The following KIF15 variants were observed in gnomAD, a reference collection of about 807,000 sequenced individuals.
KIF15 encodes the protein kinesin family member 15, also known as kinesin-like protein KIF15.
Under a neutral mutation model 190.6 loss-of-function variants are expected in KIF15, and 140 were observed. The ratio of observed to expected loss-of-function variants is 0.73; its 90% CI spans 0.64 to 0.84. The LOEUF (loss-of-function observed/expected upper bound fraction) is 0.84, where lower values mean the gene tolerates loss of function less well. KIF15 is among the 40% of genes least tolerant of loss of function. The probability of loss-of-function intolerance (pLI) is 0.00; values close to 1 mark genes in which losing one functional copy is unlikely to be tolerated. For missense variants in KIF15, 1,372 were observed against 1,584.4 expected (o/e 0.87, Z 2.28); for synonymous variants, 528 against 551.3 (o/e 0.96, Z 0.59).
chr3:44,859,379 G>C (rs1575699985), intron 6 of KIF15, among the ~76,000 whole-genome samples: 7 of 152,270 alleles, frequency 4.6e-5, no homozygotes, highest in Admixed American at 6.5e-5. Flanking sequence ...TTTTGGAGCT[G>C]GCGGCTTGGG....
chr3:44,868,684 G>A (rs549519959), intron 6 of KIF15, among the ~76,000 whole-genome samples: 33 of 152,298 alleles, frequency 2.2e-4, no homozygotes, highest in Non-Finnish European at 4.6e-4. Context: ...TGTTGTTTAG[G>A]TCATGCAGTC....
chr3:44,828,555 A>C (rs916565175), intron 24 of KIF15, among the ~76,000 whole-genome samples: 16 of 152,172 alleles, frequency 1.1e-4, no homozygotes, highest in Non-Finnish European at 2.2e-4. Flanking sequence ...CTACCCTTTT[A>C]ACTAGGATGC....
intron 26 of KIF15, among the ~76,000 whole-genome samples, chr3:44,832,870 C>G (rs964001875): frequency 6.6e-6 from 1 of 151,850 alleles, no homozygotes; most frequent in African/African-American, 2.4e-5. Context: ...CAAAAATTAG[C>G]AAGGTGTGGT....
intron 6 of KIF15, among the ~76,000 whole-genome samples, chr3:44,866,035 T>G (rs1699318371): frequency 6.6e-6 from 1 of 151,986 alleles, no homozygotes; most frequent in African/African-American, 2.4e-5. Context: ...CTTTCTCAGA[T>G]TCCCCTTTGG....
intron 26 of KIF15, among the ~76,000 whole-genome samples, chr3:44,831,996 A>G (rs555084712): frequency 9.8e-5 from 15 of 152,336 alleles, no homozygotes; most frequent in African/African-American, 3.6e-4. Context: ...GCATTTGGGA[A>G]TGGAAAGATG....
chr3:44,839,893 T>A (rs891600323), intron 27 of KIF15, among the ~76,000 whole-genome samples: 1 of 152,226 alleles, frequency 6.6e-6, no homozygotes, highest in Non-Finnish European at 1.5e-5. Flanking sequence ...TCATTGTGTA[T>A]ATATATAGCA....
At chr3:44,816,892 C>G (rs1708054975) in intron 20 of KIF15, among the ~76,000 whole-genome samples, 1 of 152,194 alleles carries the variant, frequency 6.6e-6, no homozygotes, top group Non-Finnish European at 1.5e-5. Context: ...CACATCCTCT[C>G]CAGCATCTTT....
chr3:44,763,451 G>A (rs759984173), intron 1 of KIF15, among the ~76,000 whole-genome samples: 15 of 151,380 alleles, frequency 9.9e-5, no homozygotes, highest in Non-Finnish European at 1.5e-4. Context: ...ACAGGCACGC[G>A]CCACCATGCC....
chr3:44,775,940 T>G (rs1296605328), intron 3 of KIF15, among the ~76,000 whole-genome samples: 4 of 151,558 alleles, frequency 2.6e-5, no homozygotes, highest in Admixed American at 2.6e-4. Context: ...ATTAGCTGGT[T>G]GTGGTAGTGG....
chr3:44,820,937 G>T (rs1708244791), intron 20 of KIF15, among the ~76,000 whole-genome samples: 2 of 151,666 alleles, frequency 1.3e-5, no homozygotes. Flanking sequence ...CCGGGCAGAG[G>T]CGCCCCTCAC....
rs151151077 is a variant in KIF15, at chr3:44,771,589, T to C, written c.20-2806T>C. ...GGAAGCCTGTTGAATATGTTAGAGG[T>C]TTAAAACATTTGATTTTATGAAATA... On this transcript the variant is annotated intron_variant, in intron 1 of 34. Transcript: ENST00000326047. Among the ~76,000 whole-genome samples the C allele has an allele frequency of 4.8e-3, 725 of 152,296 alleles. 8 individuals carry two copies. The highest frequency in any genetic ancestry group is 0.017 in the African/African-American group (686 of 41,554).
At chr3:44,811,115 C>A in intron 17 of KIF15, 72 bp downstream of exon 17, 1 of 1,182,438 alleles carries the variant, frequency 8.5e-7, no homozygotes, top group South Asian at 1.5e-5. Context: ...TATTTTAATT[C>A]CCTATAAGTT....
intron 7 of KIF15, among the ~76,000 whole-genome samples, chr3:44,787,562 T>C (rs1393362354): frequency 6.6e-6 from 1 of 152,178 alleles, no homozygotes; most frequent in Non-Finnish European, 1.5e-5. Flanking sequence ...ACATGTGACG[T>C]AGTATGTGTA....
chr3:44,827,964 C>T (rs1470088559), intron 23 of KIF15, among the ~76,000 whole-genome samples: 1 of 152,174 alleles, frequency 6.6e-6, no homozygotes, highest in Non-Finnish European at 1.5e-5. Flanking sequence ...CAGGCCTGAG[C>T]CACCGTGCCT....
intron 1 of KIF15, among the ~76,000 whole-genome samples, chr3:44,774,067 T>A (rs187516428): frequency 6.6e-6 from 1 of 152,276 alleles, no homozygotes; most frequent in East Asian, 1.9e-4. Flanking sequence ...TCTGAGCCAC[T>A]CCATATTGAT....
chr3:44,801,378 A>G (rs879153695), intron 11 of KIF15, 72 bp from the exon 12 acceptor site: 32 of 881,724 alleles, frequency 3.6e-5, no homozygotes, highest in Non-Finnish European at 5.0e-5. Context: ...ATTAAAGGCT[A>G]TCTGTTCTCT....
At chr3:44,765,637 T>C (rs1705342458) in intron 1 of KIF15, among the ~76,000 whole-genome samples, 1 of 152,238 alleles carries the variant, frequency 6.6e-6, no homozygotes. Context: ...CAATTCTTGC[T>C]CCATTGAAGG....
At chr3:44,779,351 C>T (rs754661755) in intron 4 of KIF15, among the ~76,000 whole-genome samples, 1 of 152,094 alleles carries the variant, frequency 6.6e-6, no homozygotes, top group Non-Finnish European at 1.5e-5. Context: ...AAGATCTGGG[C>T]GCTAGGTGTG....
At chr3:44,803,221 T>C (rs1338364771) in intron 14 of KIF15, among the ~76,000 whole-genome samples, 1 of 152,220 alleles carries the variant, frequency 6.6e-6, no homozygotes, top group African/African-American at 2.4e-5. Flanking sequence ...AAAATACTCA[T>C]TGTATTTGTT....
Sources: gnomAD v4.1 joint callset for allele counts (sites outside exome capture counted in the v4.1 genomes callset) on GRCh38, gnomAD v4.1.1 for gene constraint, MANE v1.5 for transcripts, NCBI Gene and HGNC (gene_info 2026-07-23, HGNC 2026-07-21) for gene names.